FHIT: variants seen among roughly 807,000 people sequenced by gnomAD.
The protein encoded by FHIT is fragile histidine triad diadenosine triphosphatase, also known as bis(5'-adenosyl)-triphosphatase.
FHIT carries 19 observed loss-of-function variants against 17.9 expected under a neutral mutation model. That is an observed-to-expected ratio of 1.06 (90% confidence interval 0.74 to 1.56). The LOEUF (loss-of-function observed/expected upper bound fraction) is 1.56, where lower values mean the gene tolerates loss of function less well. Ranked by LOEUF, FHIT falls within the 40% of genes most tolerant of loss-of-function variation. FHIT has a pLI of 0.00. For synonymous variants in FHIT, 81 were observed against 69.7 expected (o/e 1.16, Z -0.81); for missense variants, 248 against 189.2 (o/e 1.31, Z -1.82).
At chr3:60,121,709 A>AAACAAACACAC (rs1553690214) in intron 5 of FHIT, among the ~76,000 whole-genome samples, 62 of 116,416 alleles carry the variant, frequency 5.3e-4, no homozygotes, top group South Asian at 2.1e-3. Context: ...AAACAAAACA[A>AAACAAACACAC]ACACACACAC....
At chr3:60,683,785 G>T (rs2107867993) in intron 4 of FHIT, among the ~76,000 whole-genome samples, 1 of 152,186 alleles carries the variant, frequency 6.6e-6, no homozygotes, top group South Asian at 2.1e-4. Flanking sequence ...CTAGAGGGTT[G>T]GTTTGACATA....
Position 60,357,697 on chromosome 3 carries a change from T to C in FHIT, c.103+179163A>G, listed in dbSNP as rs527435710. ...ATTCTGTGGATGTTGTACTTAGGCA[T>C]ATTATTCTCTGTAGTATATACTTTC... On this transcript the variant is annotated intron_variant, in intron 5 of 9. Transcript: ENST00000492590. 2.0e-5 allele frequency among the ~76,000 whole-genome samples: 3 copies of C among 152,320 alleles called. No individual in the cohort carries two copies. In the East Asian group the frequency reaches 5.8e-4, roughly 29 times the overall value.
In FHIT at chr3:60,795,419, G is replaced by T. The variant is rs116708046; in HGVS notation, c.-18+26500C>A. ...TACCTGTTTAAAAAATACATTCCTT[G>T]AAGATTTTCAGTTACTTTTGCAAAA... On this transcript the variant is annotated intron_variant, in intron 4 of 9. Coordinates refer to ENST00000492590, the MANE Select transcript of FHIT (RefSeq NM_002012.4). Among the ~76,000 whole-genome samples, 539 of 151,786 alleles carry T rather than the reference G, an allele frequency of 3.6e-3. 2 individuals are homozygous for T. Among genetic ancestry groups the T allele is most frequent in the Non-Finnish European group, 6.0e-3 (408 of 67,942 alleles).
chr3:60,778,877 G>A (rs759011053), intron 4 of FHIT, among the ~76,000 whole-genome samples: 20 of 152,252 alleles, frequency 1.3e-4, no homozygotes, highest in South Asian at 4.1e-4. Flanking sequence ...TCATACTGTT[G>A]TCTATGCAGT....
chr3:60,063,915 G>C (rs1026563837), intron 5 of FHIT, among the ~76,000 whole-genome samples: 1 of 152,154 alleles, frequency 6.6e-6, no homozygotes, highest in Non-Finnish European at 1.5e-5. Flanking sequence ...TAATGAGGTA[G>C]GTCTGCTCTT....
chr3:59,996,287 G>A (rs1409722527), intron 7 of FHIT, among the ~76,000 whole-genome samples: 1 of 152,070 alleles, frequency 6.6e-6, no homozygotes, highest in Non-Finnish European at 1.5e-5. Context: ...TTTCCCATGA[G>A]TGAGAGAGAC....
intron 5 of FHIT, among the ~76,000 whole-genome samples, chr3:60,018,344 G>A (rs574057090): frequency 7.7e-4 from 117 of 152,222 alleles, no homozygotes; most frequent in African/African-American, 1.5e-3. Context: ...AGACCCTACC[G>A]CCAACATCAG....
intron 3 of FHIT, among the ~76,000 whole-genome samples, chr3:60,840,535 C>T (rs1390329558): frequency 6.6e-6 from 1 of 152,142 alleles, no homozygotes; most frequent in Non-Finnish European, 1.5e-5. Context: ...AATTAAATGT[C>T]AAAGGTTTTT....
intron 4 of FHIT, among the ~76,000 whole-genome samples, chr3:60,813,944 T>A (rs1482575487): frequency 1.3e-5 from 2 of 152,212 alleles, no homozygotes; most frequent in Non-Finnish European, 2.9e-5. Flanking sequence ...GGTGTATTTA[T>A]TTCCATCAAT....
chr3:60,250,243 C>A (rs928644202), intron 5 of FHIT, among the ~76,000 whole-genome samples: 1 of 152,138 alleles, frequency 6.6e-6, no homozygotes, highest in East Asian at 1.9e-4. Context: ...CCAATAAATT[C>A]TATTGTCTGC....
chr3:59,990,798 C>T (rs983178825), intron 7 of FHIT, among the ~76,000 whole-genome samples: 5 of 151,992 alleles, frequency 3.3e-5, no homozygotes, highest in African/African-American at 1.2e-4. Context: ...GATCTACTGG[C>T]ATTTTAGAAC....
intron 3 of FHIT, among the ~76,000 whole-genome samples, chr3:61,018,226 ATGTC>A (rs1376133868): frequency 1.3e-5 from 2 of 152,174 alleles, no homozygotes; most frequent in African/African-American, 2.4e-5. Context: ...ACTTTAAAAC[ATGTC>A]TGTCTGACTC....
At chr3:60,054,916 C>A (rs1286578053) in intron 5 of FHIT, among the ~76,000 whole-genome samples, 1 of 152,090 alleles carries the variant, frequency 6.6e-6, no homozygotes, top group Non-Finnish European at 1.5e-5. Flanking sequence ...TTACATTTTA[C>A]ATTAAGAAAT....
intron 4 of FHIT, among the ~76,000 whole-genome samples, chr3:60,594,542 C>T (rs1436435250): frequency 2.0e-5 from 3 of 152,082 alleles, no homozygotes; most frequent in Admixed American, 2.0e-4. Context: ...CATCTGGCTT[C>T]TAGGTTAGCC....
At chr3:60,765,129 G>A (rs886628185) in intron 4 of FHIT, among the ~76,000 whole-genome samples, 7 of 152,174 alleles carry the variant, frequency 4.6e-5, no homozygotes, top group Non-Finnish European at 7.4e-5. Context: ...CCGGGAGATT[G>A]AAACAAGAAG....
chr3:60,196,297 A>G (rs1199599820), intron 5 of FHIT, among the ~76,000 whole-genome samples: 2 of 152,104 alleles, frequency 1.3e-5, no homozygotes, highest in East Asian at 1.9e-4. Flanking sequence ...GAGGAAGCCC[A>G]CATTCCTCAC....
chr3:60,993,446 A>G (rs1388085779), intron 3 of FHIT, among the ~76,000 whole-genome samples: 6 of 152,196 alleles, frequency 3.9e-5, no homozygotes, highest in Non-Finnish European at 7.3e-5. Context: ...GCTATACCCA[A>G]CAATGTTATA....
At chr3:59,829,777 G>T (rs779655332) in intron 8 of FHIT, among the ~76,000 whole-genome samples, 1 of 152,128 alleles carries the variant, frequency 6.6e-6, no homozygotes, top group African/African-American at 2.4e-5. Context: ...TGATACAGAG[G>T]CTGCAGGCCC....
In FHIT at chr3:60,908,593, G is replaced by A. The variant is rs1235565702; in HGVS notation, c.-110-86582C>T. Among the ~76,000 whole-genome samples the A allele has an allele frequency of 2.7e-5, 4 of 150,864 alleles. No individual in the cohort carries two copies. The Admixed American group carries it at 2.7e-4, about 10-fold the overall frequency. On this transcript the variant is annotated intron_variant, in intron 3 of 9. Coordinates refer to ENST00000492590, the MANE Select transcript of FHIT (RefSeq NM_002012.4). ...GACACAAAAAGCTATGGAGAAGAGA[G>A]ACTGAAACAGACAAAGGCGGTTGTA... is the stretch of plus-strand genomic sequence containing the variant.
Sources: allele counts gnomAD v4.1 joint callset (sites outside exome capture counted in the v4.1 genomes callset), GRCh38; gene constraint gnomAD v4.1.1; transcripts MANE v1.5; gene names NCBI Gene and HGNC (gene_info 2026-07-23, HGNC 2026-07-21).